Variants in GAS7 observed in about 807,000 individuals in gnomAD.
The protein encoded by GAS7 is growth arrest-specific protein 7.
GAS7 carries 28 observed loss-of-function variants against 71.1 expected under a neutral mutation model. The ratio of observed to expected loss-of-function variants is 0.39; its 90% CI spans 0.29 to 0.54. The LOEUF (loss-of-function observed/expected upper bound fraction) is 0.54. Among genes scored for constraint, GAS7 ranks in the 20% least tolerant of loss-of-function variants. The pLI is 0.62. For synonymous variants in GAS7, 258 were observed against 245.8 expected, an observed-to-expected ratio of 1.05 and a Z score of -0.46; for missense variants, 436 against 627.8, an observed-to-expected ratio of 0.69 and a Z score of 3.27.
At chr17:10,003,944 G>C (rs929958516) in intron 2 of GAS7, among the ~76,000 whole-genome samples, 8 of 152,180 alleles carry the variant, frequency 5.3e-5, no homozygotes, top group African/African-American at 1.9e-4. Flanking sequence ...CCCACTCCAA[G>C]GTCTTCCTCC....
intron 2 of GAS7, among the ~76,000 whole-genome samples, chr17:10,017,432 G>A (rs532032573): frequency 5.9e-4 from 89 of 151,776 alleles, no homozygotes; most frequent in South Asian, 2.7e-3. Context: ...GCGTTCAAGC[G>A]ATTCTCCTGC....
intron 1 of GAS7, among the ~76,000 whole-genome samples, chr17:10,129,543 C>T (rs80142870): frequency 1.3e-5 from 2 of 151,890 alleles, no homozygotes; most frequent in East Asian, 3.9e-4. Context: ...AAAAACAAAA[C>T]AAAAAAACTC....
At chr17:9,942,615 G>A (rs968003398) in intron 7 of GAS7, among the ~76,000 whole-genome samples, 4 of 152,152 alleles carry the variant, frequency 2.6e-5, no homozygotes, top group Admixed American at 2.6e-4. Context: ...CACAGGTTTT[G>A]GCTAACGATG....
chr17:9,994,948 G>A (rs2070981947), intron 2 of GAS7, among the ~76,000 whole-genome samples: 2 of 152,238 alleles, frequency 1.3e-5, no homozygotes. Context: ...GGTGTTTGGA[G>A]CTGACAGGGA....
intron 5 of GAS7, among the ~76,000 whole-genome samples, chr17:9,956,177 G>T (rs1221747423): frequency 2.0e-5 from 3 of 152,220 alleles, no homozygotes; most frequent in Non-Finnish European, 4.4e-5. Flanking sequence ...TGCACGGCCT[G>T]TTTGACCACC....
rs374797285 is a variant in GAS7 at position 9,959,165 on chromosome 17, C to T, written c.525+37G>A. On this transcript the variant is annotated intron_variant, in intron 5 of 13. Transcript: ENST00000432992. This position sits in a 1 kb window ranked among gnomAD's most constrained non-coding sequence, Gnocchi z 5.0. ...CAGCCCAGCCAAATGCCCCAGCTCG[C>T]AGCCCACCCTGAGGGCGCCCCTCGG... is the stretch of plus-strand genomic sequence containing the variant. 22 of 1,607,168 alleles carry T rather than the reference C, an allele frequency of 1.4e-5. No individual in the cohort carries two copies. The African/African-American group carries it at 2.3e-4, about 17-fold the overall frequency.
intron 1 of GAS7, among the ~76,000 whole-genome samples, chr17:10,115,695 C>T (rs1312424804): frequency 6.6e-6 from 1 of 152,254 alleles, no homozygotes; most frequent in East Asian, 1.9e-4. Flanking sequence ...CCAAACTCCC[C>T]ATCCTCCATA....
chr17:9,995,479 A>T (rs923431553), intron 2 of GAS7, among the ~76,000 whole-genome samples: 3 of 151,952 alleles, frequency 2.0e-5, no homozygotes, highest in Non-Finnish European at 4.4e-5. Flanking sequence ...AGCCCAGTTT[A>T]AAAAGAGCAA....
chr17:10,016,620 A>ACAAAACAAAAAAAAAAAAAC (rs555319624), intron 2 of GAS7, among the ~76,000 whole-genome samples: 1 of 131,666 alleles, frequency 7.6e-6, no homozygotes, highest in African/African-American at 3.1e-5. Flanking sequence ...AAAAAAAAAA[A>ACAAAACAAAAAAAAAAAAAC]AAAACAAAAC....
chr17:9,962,949 C>G (rs754031542), intron 4 of GAS7, among the ~76,000 whole-genome samples: 1 of 151,352 alleles, frequency 6.6e-6, no homozygotes, highest in Non-Finnish European at 1.5e-5. Context: ...GAACCTGAAC[C>G]TACGCATAAG....
chr17:10,135,535 CA>C (rs1461969839), intron 1 of GAS7, among the ~76,000 whole-genome samples: 1 of 152,236 alleles, frequency 6.6e-6, no homozygotes, highest in Non-Finnish European at 1.5e-5. Flanking sequence ...TAAATGCCCC[CA>C]TCACGCTCTG....
In GAS7 at chr17:9,910,735, G is replaced by T. The variant is rs1040402577; in HGVS notation, c.*6493C>A. 1 of 222,290 alleles carries T rather than the reference G, an allele frequency of 4.5e-6. No individual in the cohort carries two copies. Among genetic ancestry groups the T allele is most frequent in the South Asian group, 1.8e-4 (1 of 5,430 alleles). 13.8% of individuals were successfully genotyped at this position (222,290 alleles called of 1,614,324 possible). ...CACAAATGCGGTAACAGGGGTCAGG[G>T]GGGTGGTGCGGGGGCAGGTGGGTTA... is the stretch of plus-strand genomic sequence containing the variant. On this transcript the variant is annotated 3_prime_UTR_variant, in exon 14 of 14. Coordinates refer to ENST00000432992, the MANE Select transcript of GAS7 (RefSeq NM_201433.2).
chr17:9,973,256 C>CT (rs34030402), intron 3 of GAS7, among the ~76,000 whole-genome samples: 3,354 of 142,608 alleles, frequency 0.024, 125 homozygotes, highest in Admixed American at 0.097. Flanking sequence ...ATAGTAGAAA[C>CT]TTTTTTTTTT....
intron 1 of GAS7, among the ~76,000 whole-genome samples, chr17:10,025,524 T>TA (rs1406366301): frequency 1.3e-5 from 2 of 151,052 alleles, no homozygotes; most frequent in African/African-American, 2.4e-5. Context: ...TCTCTTTATT[T>TA]AAAAAAACAA....
chr17:10,036,541 C>A, intron 1 of GAS7: 1 of 1,589,756 alleles, frequency 6.3e-7, no homozygotes, highest in South Asian at 1.1e-5. Context: ...GCTTCCTCTT[C>A]ATGGCAGCCT....
At chr17:10,156,018 G>T (rs549491282) in intron 1 of GAS7, among the ~76,000 whole-genome samples, 49 of 152,278 alleles carry the variant, frequency 3.2e-4, no homozygotes, top group African/African-American at 1.1e-3. Context: ...CCATGCAACT[G>T]ACTTCCTTAC....
At position 10,123,700 on chromosome 17, in the gene GAS7, C is replaced by G. The variant is rs147469252; in HGVS notation, c.183+74508G>C. 9.4e-3 allele frequency among the ~76,000 whole-genome samples: 1,429 copies of G among 152,338 alleles called. 30 individuals carry two copies. Among genetic ancestry groups the G allele is most frequent in the African/African-American group, 0.033 (1,369 of 41,564 alleles). On this transcript the variant is annotated intron_variant, in intron 1 of 13. Transcript: ENST00000432992. ...CCTCACCTAGAGCTTGCTCCCCCAA[C>G]AAACGTGGGCTCCATTCTGCCCGTC...
At chr17:10,086,793 G>A (rs1276912043) in intron 1 of GAS7, among the ~76,000 whole-genome samples, 2 of 152,140 alleles carry the variant, frequency 1.3e-5, no homozygotes, top group African/African-American at 2.4e-5. Flanking sequence ...AGGAGGAAGA[G>A]GAATCTTGGA....
At chr17:10,187,714 A>G (rs557016888) in intron 1 of GAS7, among the ~76,000 whole-genome samples, 1 of 152,210 alleles carries the variant, frequency 6.6e-6, no homozygotes, top group Non-Finnish European at 1.5e-5. Context: ...TCCAAAAAAA[A>G]TCAAATCCAC....
Sources: gnomAD v4.1 joint callset for allele counts (sites outside exome capture counted in the v4.1 genomes callset) on GRCh38, gnomAD v4.1.1 for gene constraint, Gnocchi (gnomAD v3.1) non-coding constraint, MANE v1.5 for transcripts, NCBI Gene and HGNC (gene_info 2026-07-23, HGNC 2026-07-21) for gene names.